The following C2CD5 variants were observed in gnomAD, a reference collection of about 807,000 sequenced individuals.
C2CD5 encodes C2 domain-containing protein 5.
A neutral mutation model predicts 130.3 loss-of-function variants in C2CD5; 109 were observed. That is an observed-to-expected ratio of 0.84 (90% CI 0.72 to 0.98). The LOEUF is 0.98. Ranked by LOEUF, C2CD5 falls within the 50% of genes least tolerant of loss-of-function variation. C2CD5 has a pLI of 0.00. For synonymous variants in C2CD5, 454 were observed against 429.2 expected, an observed-to-expected ratio of 1.06 and a Z score of -0.71; for missense variants, 996 against 1,261.8, an observed-to-expected ratio of 0.79 and a Z score of 3.19.
At chr12:22,524,030 A>T (rs1355477470) in intron 6 of C2CD5, among the ~76,000 whole-genome samples, 2 of 151,474 alleles carry the variant, frequency 1.3e-5, no homozygotes, top group African/African-American at 4.8e-5. Flanking sequence ...GAATGAGGTC[A>T]GAGTGGCAGG....
chr12:22,508,917 C>T (rs1437090959), intron 9 of C2CD5, among the ~76,000 whole-genome samples: 1 of 150,944 alleles, frequency 6.6e-6, no homozygotes, highest in Non-Finnish European at 1.5e-5. Context: ...TCGCCCAGGC[C>T]AGACTGCGGA....
intron 2 of C2CD5, 86 bp from the exon 3 acceptor site, chr12:22,535,430 A>G (rs1467188021): frequency 9.7e-6 from 7 of 720,140 alleles, no homozygotes; most frequent in Non-Finnish European, 1.7e-5. Context: ...CAATAGAAGG[A>G]TAAACCATAA....
At chr12:22,469,651 G>T in intron 22 of C2CD5, 58 bp downstream of exon 22, 2 of 943,902 alleles carry the variant, frequency 2.1e-6, no homozygotes, top group Non-Finnish European at 3.2e-6. Context: ...TAATGAAGAA[G>T]CAGTGAAAGG....
chr12:22,511,411 G>A (rs143025784), intron 9 of C2CD5, among the ~76,000 whole-genome samples: 6 of 152,286 alleles, frequency 3.9e-5, no homozygotes, highest in African/African-American at 1.4e-4. Context: ...GAATAGGAAA[G>A]CCAAAGATGA....
intron 21 of C2CD5, among the ~76,000 whole-genome samples, chr12:22,470,022 A>C (rs1245741731): frequency 6.6e-6 from 1 of 152,116 alleles, no homozygotes; most frequent in Non-Finnish European, 1.5e-5. Context: ...TTAAGAGATT[A>C]ATATCTGTAA....
intron 14 of C2CD5, among the ~76,000 whole-genome samples, chr12:22,481,941 T>C (rs148003561): frequency 6.6e-6 from 1 of 151,960 alleles, no homozygotes; most frequent in African/African-American, 2.4e-5. Context: ...CAGAAACACC[T>C]GTATTTTATT....
intron 22 of C2CD5, among the ~76,000 whole-genome samples, chr12:22,460,300 T>C (rs1267345353): frequency 6.6e-6 from 1 of 152,228 alleles, no homozygotes; most frequent in Non-Finnish European, 1.5e-5. Flanking sequence ...ATATTTAAAT[T>C]TTTGTTTGAA....
At chr12:22,450,975 C>T (rs757577903) in intron 26 of C2CD5, among the ~76,000 whole-genome samples, 43 of 151,902 alleles carry the variant, frequency 2.8e-4, no homozygotes, top group Middle Eastern at 3.4e-3. Context: ...TACTGTAAAG[C>T]TACCACTTAT....
chr12:22,454,395 C>G (rs1173396224), intron 25 of C2CD5, among the ~76,000 whole-genome samples: 1 of 152,136 alleles, frequency 6.6e-6, no homozygotes, highest in Non-Finnish European at 1.5e-5. Flanking sequence ...TGCTCATCAT[C>G]ATTTAAACAA....
intron 22 of C2CD5, among the ~76,000 whole-genome samples, chr12:22,462,819 G>C (rs1442851066): frequency 1.3e-5 from 2 of 152,186 alleles, no homozygotes; most frequent in Non-Finnish European, 2.9e-5. Context: ...AGGGGCAGTG[G>C]TTCACACCTG....
intron 14 of C2CD5, among the ~76,000 whole-genome samples, chr12:22,480,063 G>A (rs1049961205): frequency 2.0e-5 from 3 of 152,152 alleles, no homozygotes; most frequent in Admixed American, 6.5e-5. Flanking sequence ...GTTCATTAGT[G>A]TCCATCACTG....
intron 22 of C2CD5, among the ~76,000 whole-genome samples, chr12:22,467,217 T>C (rs1942231071): frequency 6.6e-6 from 1 of 152,216 alleles, no homozygotes; most frequent in Non-Finnish European, 1.5e-5. Flanking sequence ...TCGCCCAGGC[T>C]GGAGTGCAGT....
At chr12:22,530,480 C>T (rs1162153678) in intron 3 of C2CD5, among the ~76,000 whole-genome samples, 1 of 148,962 alleles carries the variant, frequency 6.7e-6, no homozygotes, top group Non-Finnish European at 1.5e-5. Flanking sequence ...TTTTTTAAGA[C>T]GGAGTCTCAC....
chr12:22,515,257 T>A (rs1949600455), intron 8 of C2CD5: 4 of 277,062 alleles, frequency 1.4e-5, no homozygotes, highest in South Asian at 2.7e-4. Flanking sequence ...AAATGAACTT[T>A]AAAATGTACA....
intron 15 of C2CD5, chr12:22,477,450 A>T (rs1011622619): frequency 6.6e-6 from 1 of 152,216 alleles, no homozygotes; most frequent in Admixed American, 6.5e-5. Context: ...CTGTTCCAGA[A>T]GACCAGCCAA....
At chr12:22,501,238 C>T (rs866313825) in intron 10 of C2CD5, among the ~76,000 whole-genome samples, 20 of 152,126 alleles carry the variant, frequency 1.3e-4, no homozygotes, top group Admixed American at 3.9e-4. Context: ...ACACTTCCAA[C>T]GTGACATTAT....
chr12:22,472,140 T>C (rs1943134407), intron 18 of C2CD5, 75 bp from the exon 19 acceptor site: 1 of 945,966 alleles, frequency 1.1e-6, no homozygotes, highest in Non-Finnish European at 1.7e-6. Context: ...AATTGCCAAA[T>C]AATGAACAAT....
chr12:22,531,226 G>A (rs968115588), intron 3 of C2CD5, among the ~76,000 whole-genome samples: 4 of 152,138 alleles, frequency 2.6e-5, no homozygotes, highest in African/African-American at 9.6e-5. Context: ...CATGTGCAAC[G>A]GGTCTTTCAA....
chr12:22,497,882 C>T (rs1209181061), intron 10 of C2CD5, among the ~76,000 whole-genome samples: 2 of 146,630 alleles, frequency 1.4e-5, no homozygotes, highest in African/African-American at 5.0e-5. Flanking sequence ...TGTGAAATTT[C>T]ACTACATACA....
Sources: gnomAD v4.1 joint callset for allele counts (sites outside exome capture counted in the v4.1 genomes callset) on GRCh38, gnomAD v4.1.1 for gene constraint, MANE v1.5 for transcripts, NCBI Gene and HGNC (gene_info 2026-07-23, HGNC 2026-07-21) for gene names.